The following KCNT2 variants were observed in gnomAD, a reference collection of about 807,000 sequenced individuals.
KCNT2 encodes potassium channel subfamily T member 2.
KCNT2 carries 67 observed loss-of-function variants against 153.8 expected under a neutral mutation model. The observed-to-expected ratio is 0.44, with a 90% CI of 0.36 to 0.53. KCNT2 has a LOEUF of 0.53. KCNT2 is among the 20% of genes least tolerant of loss of function. The pLI is 0.00. For missense variants in KCNT2, 975 were observed against 1,354.8 expected (o/e 0.72, Z 4.40); for synonymous variants, 500 against 458.8 (o/e 1.09, Z -1.15).
chr1:196,256,939 C>CT lies in KCNT2; in HGVS notation c.3211+1254dup, dbSNP rs1402667020. Among the ~76,000 whole-genome samples the CT allele has an allele frequency of 1.3e-5, 2 of 151,860 alleles. 1 individual carries two copies. The highest frequency in any genetic ancestry group is 4.8e-5 in the African/African-American group (2 of 41,386). ...GTGGATTTCTAAAATGACGATCTTA[C>CT]TTTTTCTTTTAATTTGCTTCTTAAT... is the stretch of plus-strand genomic sequence containing the variant. On this transcript the variant is annotated intron_variant, in intron 26 of 27. Transcript: ENST00000294725.
intron 13 of KCNT2, among the ~76,000 whole-genome samples, chr1:196,379,206 A>G (rs1669241402): frequency 6.6e-6 from 1 of 152,212 alleles, no homozygotes. Context: ...TTTATCAAAT[A>G]TAAATCTGTC....
intron 14 of KCNT2, among the ~76,000 whole-genome samples, chr1:196,366,124 T>G (rs1668017300): frequency 6.6e-6 from 1 of 151,972 alleles, no homozygotes; most frequent in Admixed American, 6.6e-5. Context: ...TCTGCTCTAT[T>G]TATGCATGTC....
At chr1:196,302,637 G>A (rs1027431361) in intron 22 of KCNT2, among the ~76,000 whole-genome samples, 10 of 151,814 alleles carry the variant, frequency 6.6e-5, no homozygotes, top group African/African-American at 2.4e-4. Context: ...AAATGTCAGT[G>A]AGCCATAAAT....
chr1:196,605,965 T>C (rs190553258), intron 1 of KCNT2, among the ~76,000 whole-genome samples: 6 of 152,334 alleles, frequency 3.9e-5, no homozygotes, highest in Non-Finnish European at 7.4e-5. Context: ...TGAAGAGTTA[T>C]CTTTACACTG....
Position 196,315,988 on chromosome 1 carries a change from G to A in KCNT2, c.2387C>T (p.Ala796Val). Residue 796 changes from alanine to valine, a missense_variant, in exon 21 of 28, where the codon GCT (alanine) becomes GTT (valine). Physicochemically the swap from Ala to Val is moderately conservative, Grantham distance 64. Around this residue, in one of 6 missense-constraint regions of KCNT2, gnomAD observed 66 missense variants for 147.9 expected, o/e 0.45. Coordinates refer to ENST00000294725, the MANE Select transcript of KCNT2 (RefSeq NM_198503.5). ...DLLRCGVTFA[A>V]NMVVVDKEST... ...CTCTTTATCCACAACCACCATATTA[G>A]CAGCAAAAGTCACTCCACACCTGAG... 6.2e-7 allele frequency: 1 copy of A among 1,610,626 alleles called. No individual in the cohort carries two copies. The highest frequency in any genetic ancestry group is 8.5e-7 in the Non-Finnish European group (1 of 1,177,840).
intron 12 of KCNT2, among the ~76,000 whole-genome samples, chr1:196,406,900 A>C (rs781031031): frequency 2.6e-5 from 4 of 151,442 alleles, no homozygotes; most frequent in Admixed American, 6.6e-5. Flanking sequence ...CATATATATT[A>C]TCAAAATCTT....
At position 196,467,742 on chromosome 1, in the gene KCNT2, C is replaced by A; in HGVS notation, c.504G>T (p.Leu168=). 1 of 1,606,680 alleles carries A rather than the reference C, an allele frequency of 6.2e-7. No homozygotes were observed. The highest frequency in any genetic ancestry group is 8.5e-7 in the Non-Finnish European group (1 of 1,175,158). Reference sequence around the variant, plus strand: ...AGGCATGTTTGGCAAGCCAACAGTTCAGAAAGACTGGGACAAATAGATTCC... The same window carrying A: ...AGGCATGTTTGGCAAGCCAACAGTTAAGAAAGACTGGGACAAATAGATTCC... ...SLRNLFVPVF[L]NCWLAKHALE... Residue 168 remains leucine, a synonymous_variant, in exon 7 of 28, where the codon CTG becomes CTT. Transcript: ENST00000294725.
At chr1:196,304,615 CA>C (rs1661464450) in intron 22 of KCNT2, among the ~76,000 whole-genome samples, 2 of 152,020 alleles carry the variant, frequency 1.3e-5, no homozygotes, top group Non-Finnish European at 2.9e-5. Flanking sequence ...AAGCTGAGTG[CA>C]AAAACCATCT....
At chr1:196,484,529 A>G (rs557410267) in intron 3 of KCNT2, among the ~76,000 whole-genome samples, 10 of 152,178 alleles carry the variant, frequency 6.6e-5, no homozygotes, top group African/African-American at 2.4e-4. Context: ...CTTTAGTTTA[A>G]TAAGATCCTG....
chr1:196,534,723 T>C (rs1655342662), intron 1 of KCNT2, among the ~76,000 whole-genome samples: 1 of 152,186 alleles, frequency 6.6e-6, no homozygotes, highest in Non-Finnish European at 1.5e-5. Flanking sequence ...ACAGAATTTA[T>C]ATATTTTTGA....
At position 196,282,297 on chromosome 1, in the gene KCNT2, T is replaced by G. The variant is rs751245328; in HGVS notation, c.2757A>C (p.Thr919=). ...ITRLLLGLDT[T]PGSGFLCSMK... ...CAGAACAAAGAAACCCAGATCCTGGTGTAGTGTCCAGTCCCAACAGAAGTC... is the reference window on the plus strand; with the variant it reads ...CAGAACAAAGAAACCCAGATCCTGGGGTAGTGTCCAGTCCCAACAGAAGTC... The change falls in exon 24 of 28, where the codon ACA becomes ACC. Residue 919 remains threonine (T), a synonymous_variant. Coordinates refer to ENST00000294725, the MANE Select transcript of KCNT2 (RefSeq NM_198503.5). The G allele has an allele frequency of 6.3e-7, 1 of 1,598,806 alleles. No homozygotes were observed. Among genetic ancestry groups the G allele is most frequent in the Non-Finnish European group, 8.6e-7 (1 of 1,166,830 alleles).
At chr1:196,349,545 C>A (rs1666439641) in intron 14 of KCNT2, among the ~76,000 whole-genome samples, 1 of 152,046 alleles carries the variant, frequency 6.6e-6, no homozygotes, top group Admixed American at 6.6e-5. Context: ...TGTATGACAT[C>A]ACTGGTAAGC....
At chr1:196,344,462 T>C (rs1665965574) in intron 14 of KCNT2, among the ~76,000 whole-genome samples, 1 of 152,132 alleles carries the variant, frequency 6.6e-6, no homozygotes, top group Non-Finnish European at 1.5e-5. Context: ...TGATTGTCTC[T>C]GGTGGAAAAA....
At chr1:196,297,644 T>C (rs1195076441) in intron 22 of KCNT2, among the ~76,000 whole-genome samples, 1 of 152,176 alleles carries the variant, frequency 6.6e-6, no homozygotes, top group Non-Finnish European at 1.5e-5. Flanking sequence ...TTAGCCTTCT[T>C]TTCAAATTAT....
At chr1:196,493,498 A>G (rs1680016880) in intron 1 of KCNT2, among the ~76,000 whole-genome samples, 3 of 152,280 alleles carry the variant, frequency 2.0e-5, no homozygotes, top group South Asian at 2.1e-4. Context: ...TTATTCAAGG[A>G]AAACCATGAA....
intron 1 of KCNT2, among the ~76,000 whole-genome samples, chr1:196,595,641 T>G (rs926520389): frequency 3.9e-5 from 6 of 152,188 alleles, no homozygotes; most frequent in African/African-American, 1.2e-4. Flanking sequence ...TAAATAATTG[T>G]AATACTGTAC....
At chr1:196,369,876 T>A (rs1431772198) in intron 14 of KCNT2, among the ~76,000 whole-genome samples, 1 of 152,108 alleles carries the variant, frequency 6.6e-6, no homozygotes, top group Non-Finnish European at 1.5e-5. Flanking sequence ...GTATTTCTAG[T>A]TCTAGATCCC....
At chr1:196,406,592 C>A (rs1253346858) in intron 12 of KCNT2, among the ~76,000 whole-genome samples, 12 of 135,464 alleles carry the variant, frequency 8.9e-5, no homozygotes, top group Non-Finnish European at 1.4e-4. Context: ...ACATCAAAGT[C>A]AAAAAAAAAA....
At chr1:196,258,829 A>T (rs1656746636) in intron 25 of KCNT2, among the ~76,000 whole-genome samples, 1 of 152,168 alleles carries the variant, frequency 6.6e-6, no homozygotes, top group Non-Finnish European at 1.5e-5. Context: ...ATACAAAACC[A>T]GACATTTTAC....
Sources: gnomAD v4.1 joint callset for allele counts (sites outside exome capture counted in the v4.1 genomes callset) on GRCh38, gnomAD v4.1.1 for gene constraint, gnomAD v4.1.1 regional missense constraint, MANE v1.5 for transcripts, NCBI Gene and HGNC (gene_info 2026-07-23, HGNC 2026-07-21) for gene names.